PTPN4: variants seen among roughly 807,000 people sequenced by gnomAD.
PTPN4 encodes tyrosine-protein phosphatase non-receptor type 4.
In PTPN4, 49 loss-of-function variants were observed where a neutral mutation model predicts 135.5. The observed-to-expected ratio is 0.36, with a 90% confidence interval of 0.29 to 0.46. The LOEUF is 0.46. Ranked by LOEUF, PTPN4 falls within the 20% of genes least tolerant of loss-of-function variation. The probability of loss-of-function intolerance (pLI) is 1.00; values close to 1 mark genes in which losing one functional copy is unlikely to be tolerated. For missense variants in PTPN4, 860 were observed against 1,101.0 expected (o/e 0.78, Z 3.10); for synonymous variants, 333 against 369.9 (o/e 0.90, Z 1.14).
At chr2:119,812,116 CAA>C (rs980524743) in intron 2 of PTPN4, among the ~76,000 whole-genome samples, 6 of 152,090 alleles carry the variant, frequency 3.9e-5, no homozygotes, top group African/African-American at 1.4e-4. Flanking sequence ...CCATTCAAAC[CAA>C]AAGAGTTGCT....
chr2:119,847,826 C>T (rs920951241), intron 2 of PTPN4, among the ~76,000 whole-genome samples: 1 of 152,158 alleles, frequency 6.6e-6, no homozygotes, highest in Non-Finnish European at 1.5e-5. Flanking sequence ...TTGCCTTCGT[C>T]TTTTAAAGAT....
At chr2:119,940,463 T>G (rs1558769988) in intron 15 of PTPN4, among the ~76,000 whole-genome samples, 1 of 152,176 alleles carries the variant, frequency 6.6e-6, no homozygotes, top group Non-Finnish European at 1.5e-5. Context: ...TAAGGGTTTG[T>G]TTTTTTCTTT....
intron 2 of PTPN4, among the ~76,000 whole-genome samples, chr2:119,819,582 G>C (rs1470721066): frequency 2.0e-5 from 3 of 152,076 alleles, no homozygotes; most frequent in Non-Finnish European, 4.4e-5. Flanking sequence ...AATGGCCCTT[G>C]CTTTCCAAAG....
chr2:119,905,347 G>A (rs1678471719), intron 10 of PTPN4, among the ~76,000 whole-genome samples: 1 of 152,066 alleles, frequency 6.6e-6, no homozygotes, highest in Non-Finnish European at 1.5e-5. Flanking sequence ...AGTTATTTTA[G>A]ACAAAATATA....
chr2:119,884,047 C>T (rs1035814389), intron 8 of PTPN4, among the ~76,000 whole-genome samples: 56 of 152,216 alleles, frequency 3.7e-4, no homozygotes, highest in African/African-American at 8.7e-4. Context: ...TACAGGTGCC[C>T]GCCACCATGC....
At chr2:119,764,638 G>A (rs773327577) in intron 1 of PTPN4, among the ~76,000 whole-genome samples, 4 of 150,750 alleles carry the variant, frequency 2.7e-5, no homozygotes, top group African/African-American at 4.9e-5. Flanking sequence ...ATCTTCTTAA[G>A]CTTTTTTTTT....
chr2:119,922,703 G>C (rs942601305), intron 12 of PTPN4, among the ~76,000 whole-genome samples: 3 of 152,162 alleles, frequency 2.0e-5, no homozygotes, highest in African/African-American at 7.2e-5. Flanking sequence ...TGAATGTGTT[G>C]AGAAAGTTCC....
chr2:119,965,667 A>G (rs1451073194), intron 25 of PTPN4, 22 bp downstream of exon 25: 3 of 1,607,582 alleles, frequency 1.9e-6, no homozygotes, highest in East Asian at 2.2e-5. Flanking sequence ...TCCGTCTTTT[A>G]TGAGTGTATA....
chr2:119,831,277 C>G (rs1287188471), intron 2 of PTPN4, among the ~76,000 whole-genome samples: 1 of 152,154 alleles, frequency 6.6e-6, no homozygotes, highest in Non-Finnish European at 1.5e-5. Flanking sequence ...TCACCTCCTG[C>G]TTTGTGGCCT....
intron 2 of PTPN4, among the ~76,000 whole-genome samples, chr2:119,817,806 G>A (rs1214775786): frequency 6.6e-6 from 1 of 152,164 alleles, no homozygotes; most frequent in Non-Finnish European, 1.5e-5. Flanking sequence ...AGCATGGAAT[G>A]TTTTTCCATT....
At chr2:119,925,190 A>ATCAC (rs1678803744) in intron 12 of PTPN4, among the ~76,000 whole-genome samples, 2 of 152,114 alleles carry the variant, frequency 1.3e-5, no homozygotes, top group African/African-American at 4.8e-5. Flanking sequence ...CCCCATGACT[A>ATCAC]TTAAAGCAGC....
chr2:119,820,237 A>G (rs1199616211), intron 2 of PTPN4, among the ~76,000 whole-genome samples: 2 of 152,194 alleles, frequency 1.3e-5, no homozygotes, highest in African/African-American at 4.8e-5. Context: ...TATTTTTGCC[A>G]TCATAGTGCT....
At chr2:119,795,113 A>G (rs919334357) in intron 1 of PTPN4, among the ~76,000 whole-genome samples, 1 of 151,956 alleles carries the variant, frequency 6.6e-6, no homozygotes, top group Non-Finnish European at 1.5e-5. Context: ...TCCTCTCTGC[A>G]GTTGGTTGTC....
At position 119,979,760 on chromosome 2, in the gene PTPN4, C is replaced by T. The variant is rs1217673460; in HGVS notation, c.*2690C>T. On this transcript the variant is annotated 3_prime_UTR_variant, in exon 27 of 27. Transcript: ENST00000263708. ...TAAGCTACGCTCCCACTCTTCCAGC[C>T]ACCCCTACCTCCCACCTTGACACCC... 1 of 152,110 alleles carries T rather than the reference C, an allele frequency of 6.6e-6. No homozygotes were observed. The highest frequency in any genetic ancestry group is 2.4e-5 in the African/African-American group (1 of 41,438). 9.4% of individuals were successfully genotyped at this position (152,110 alleles called of 1,614,324 possible).
intron 15 of PTPN4, among the ~76,000 whole-genome samples, chr2:119,941,702 C>T (rs1373048865): frequency 6.6e-6 from 1 of 152,206 alleles, no homozygotes; most frequent in Non-Finnish European, 1.5e-5. Context: ...CTTTCGTCTT[C>T]ATCTTAATCT....
chr2:119,920,013 G>A (rs868278997), intron 11 of PTPN4, 56 bp from the exon 12 acceptor site: 9 of 1,531,284 alleles, frequency 5.9e-6, no homozygotes, highest in Middle Eastern at 4.3e-4. Context: ...AAATTAAATG[G>A]AGCATTAGAT....
intron 2 of PTPN4, among the ~76,000 whole-genome samples, chr2:119,830,380 G>A (rs1677200901): frequency 1.3e-5 from 2 of 152,076 alleles, no homozygotes; most frequent in Admixed American, 1.3e-4. Flanking sequence ...GGATCATAAG[G>A]GTGGTTTCTC....
chr2:119,847,618 G>T (rs1376432049), intron 2 of PTPN4, among the ~76,000 whole-genome samples: 1 of 152,106 alleles, frequency 6.6e-6, no homozygotes, highest in East Asian at 1.9e-4. Context: ...GAGCCACCAT[G>T]CCTGGCCAGA....
intron 2 of PTPN4, among the ~76,000 whole-genome samples, chr2:119,825,711 G>T (rs1310105373): frequency 1.3e-5 from 2 of 151,986 alleles, no homozygotes; most frequent in African/African-American, 4.8e-5. Context: ...GGGCAGGTTG[G>T]TCTCGAACTC....
Sources: gnomAD v4.1 joint callset for allele counts (sites outside exome capture counted in the v4.1 genomes callset) on GRCh38, gnomAD v4.1.1 for gene constraint, MANE v1.5 for transcripts, NCBI Gene and HGNC (gene_info 2026-07-23, HGNC 2026-07-21) for gene names.